The following SLC44A5 variants were observed in gnomAD, a reference collection of about 807,000 sequenced individuals.
SLC44A5 encodes the protein choline transporter-like protein 5.
A neutral mutation model predicts 101.8 loss-of-function variants in SLC44A5; 57 were observed. The ratio of observed to expected loss-of-function variants is 0.56; its 90% CI spans 0.45 to 0.70. The LOEUF (loss-of-function observed/expected upper bound fraction) is 0.70. Among genes scored for constraint, SLC44A5 ranks in the 30% least tolerant of loss-of-function variants. SLC44A5 has a pLI of 0.00. For synonymous variants in SLC44A5, 281 were observed against 290.9 expected (o/e 0.97, Z 0.35); for missense variants, 737 against 853.1 (o/e 0.86, Z 1.70).
At chr1:75,571,209 A>T (rs951642467) in intron 1 of SLC44A5, among the ~76,000 whole-genome samples, 2 of 152,360 alleles carry the variant, frequency 1.3e-5, no homozygotes, top group Admixed American at 1.3e-4. Context: ...AACATAGGTG[A>T]ATAAGAAAAT....
At chr1:75,504,526 G>A (rs189309977) in intron 2 of SLC44A5, among the ~76,000 whole-genome samples, 1 of 152,144 alleles carries the variant, frequency 6.6e-6, no homozygotes, top group East Asian at 1.9e-4. Flanking sequence ...CAATCACTAT[G>A]CTAACCCCAT....
intron 5 of SLC44A5, among the ~76,000 whole-genome samples, chr1:75,283,483 T>C (rs1418085591): frequency 1.3e-5 from 2 of 152,192 alleles, no homozygotes; most frequent in Non-Finnish European, 2.9e-5. Context: ...TCTTTTTCTG[T>C]GCAGAAGCTT....
chr1:75,388,191 C>A (rs1201134591), intron 3 of SLC44A5, among the ~76,000 whole-genome samples: 5 of 114,604 alleles, frequency 4.4e-5, no homozygotes, highest in Non-Finnish European at 9.1e-5. Context: ...TGCACATGTA[C>A]CCTAAAACTT....
intron 2 of SLC44A5, among the ~76,000 whole-genome samples, chr1:75,439,544 C>T (rs1454772425): frequency 7.0e-6 from 1 of 142,750 alleles, no homozygotes; most frequent in Non-Finnish European, 1.5e-5. Context: ...ATAGTGAGAC[C>T]CTGTCTCTAA....
At chr1:75,299,686 T>G (rs1367639022) in intron 5 of SLC44A5, among the ~76,000 whole-genome samples, 2 of 151,960 alleles carry the variant, frequency 1.3e-5, no homozygotes, top group African/African-American at 4.8e-5. Context: ...CAGAAAATAT[T>G]CACACTAGTC....
chr1:75,529,116 C>T (rs147833702), intron 2 of SLC44A5, among the ~76,000 whole-genome samples: 6 of 152,232 alleles, frequency 3.9e-5, no homozygotes, highest in Admixed American at 6.5e-5. Flanking sequence ...TCCCAGCACC[C>T]GGCACTGTAC....
intron 3 of SLC44A5, among the ~76,000 whole-genome samples, chr1:75,393,570 T>A (rs1661935697): frequency 6.6e-6 from 1 of 152,194 alleles, no homozygotes; most frequent in African/African-American, 2.4e-5. Flanking sequence ...GCTAATATAT[T>A]TGCTTTTGTG....
At chr1:75,384,373 A>T (rs1466398532) in intron 3 of SLC44A5, among the ~76,000 whole-genome samples, 1 of 143,942 alleles carries the variant, frequency 6.9e-6, no homozygotes, top group Non-Finnish European at 1.5e-5. Context: ...TCTACCAAGC[A>T]AATGGAAAAC....
intron 12 of SLC44A5, among the ~76,000 whole-genome samples, chr1:75,233,531 T>C (rs911469202): frequency 6.6e-6 from 1 of 152,172 alleles, no homozygotes; most frequent in African/African-American, 2.4e-5. Flanking sequence ...CAATGCTTCA[T>C]TGTGGAGTAC....
intron 4 of SLC44A5, among the ~76,000 whole-genome samples, chr1:75,323,345 T>C (rs1039279132): frequency 9.2e-5 from 14 of 152,212 alleles, no homozygotes; most frequent in Middle Eastern, 3.4e-3. Context: ...CTATCATTGT[T>C]GGACATTTGG....
chr1:75,267,440 G>A (rs1651091194), intron 6 of SLC44A5, among the ~76,000 whole-genome samples: 1 of 151,960 alleles, frequency 6.6e-6, no homozygotes, highest in African/African-American at 2.4e-5. Context: ...ATATAAAAGT[G>A]ATACACATTT....
intron 2 of SLC44A5, among the ~76,000 whole-genome samples, chr1:75,487,442 T>G (rs1331342886): frequency 6.6e-6 from 1 of 152,146 alleles, no homozygotes; most frequent in Non-Finnish European, 1.5e-5. Context: ...GTTTGGCACT[T>G]TCAAACAATT....
chr1:75,509,277 T>C (rs181775883), intron 2 of SLC44A5, among the ~76,000 whole-genome samples: 27 of 152,292 alleles, frequency 1.8e-4, no homozygotes, highest in Admixed American at 1.7e-3. Context: ...GAGAAAAGAG[T>C]AAGAGAAATG....
intron 5 of SLC44A5, among the ~76,000 whole-genome samples, chr1:75,299,529 T>C (rs959498982): frequency 1.3e-5 from 2 of 152,196 alleles, no homozygotes; most frequent in African/African-American, 4.8e-5. Flanking sequence ...CCATTAATTA[T>C]TGGTACTAGC....
At chr1:75,640,129 C>T in the SLC44A5 span, among the ~76,000 whole-genome samples, 12 of 152,180 alleles carry the variant, frequency 7.9e-5, no homozygotes, top group Admixed American at 3.9e-4. Context: ...GCAACAGTTT[C>T]GCCAAATTTT....
chr1:75,601,787 C>T (rs1184890080), intron 1 of SLC44A5, among the ~76,000 whole-genome samples: 2 of 152,240 alleles, frequency 1.3e-5, no homozygotes, highest in Middle Eastern at 3.4e-3. Context: ...GATCACTCAA[C>T]GACATCATCT....
intron 3 of SLC44A5, among the ~76,000 whole-genome samples, chr1:75,370,800 C>T (rs1174201993): frequency 1.3e-5 from 2 of 152,150 alleles, no homozygotes; most frequent in South Asian, 2.1e-4. Flanking sequence ...TGGAGAAAAT[C>T]AGCAACAGGA....
chr1:75,361,630 T>C (rs1569972235), intron 3 of SLC44A5, among the ~76,000 whole-genome samples: 1 of 152,136 alleles, frequency 6.6e-6, no homozygotes, highest in East Asian at 1.9e-4. Context: ...TTCATTCTGC[T>C]AATGTAGGGT....
At chr1:75,278,531 G>C (rs1476925315) in intron 5 of SLC44A5, among the ~76,000 whole-genome samples, 1 of 152,004 alleles carries the variant, frequency 6.6e-6, no homozygotes, top group Non-Finnish European at 1.5e-5. Context: ...ATATATCTCA[G>C]CCAAACTCAT....
Sources: allele counts gnomAD v4.1 joint callset (sites outside exome capture counted in the v4.1 genomes callset), GRCh38; gene constraint gnomAD v4.1.1; transcripts MANE v1.5; gene names NCBI Gene and HGNC (gene_info 2026-07-23, HGNC 2026-07-21).